COL22A1: variants seen among roughly 807,000 people sequenced by gnomAD.
COL22A1 encodes collagen type XXII alpha 1 chain.
In COL22A1, 221 loss-of-function variants were observed where a neutral mutation model predicts 248.9. That is an observed-to-expected ratio of 0.89 (90% CI 0.80 to 0.99). The LOEUF is 0.99. Among genes scored for constraint, COL22A1 ranks in the 50% least tolerant of loss-of-function variants. The pLI, the probability that COL22A1 is intolerant of heterozygous loss-of-function variation, is 0.00. For synonymous variants in COL22A1, 891 were observed against 793.4 expected (o/e 1.12, Z -2.07); for missense variants, 2,240 against 2,179.0 (o/e 1.03, Z -0.56).
intron 44 of COL22A1, among the ~76,000 whole-genome samples, chr8:138,658,524 C>T (rs1564154597): frequency 6.6e-6 from 1 of 152,296 alleles, no homozygotes; most frequent in African/African-American, 2.4e-5. Flanking sequence ...GGTTGCAACA[C>T]TTTGTGAGTA....
intron 45 of COL22A1, among the ~76,000 whole-genome samples, chr8:138,653,097 A>G (rs1822909412): frequency 6.6e-6 from 1 of 152,136 alleles, no homozygotes; most frequent in Non-Finnish European, 1.5e-5. Flanking sequence ...TGCATGTAAT[A>G]CTGTACTTTG....
At chr8:138,742,516 G>GGTA (rs1296520471) in intron 22 of COL22A1, among the ~76,000 whole-genome samples, 1 of 150,000 alleles carries the variant, frequency 6.7e-6, no homozygotes, top group Non-Finnish European at 1.5e-5. Context: ...TGATGATGAT[G>GGTA]GTAGTAGTGA....
chr8:138,631,949 T>C (rs982856424), intron 49 of COL22A1, among the ~76,000 whole-genome samples: 6 of 152,154 alleles, frequency 3.9e-5, no homozygotes, highest in African/African-American at 1.4e-4. Flanking sequence ...AAACAGTACC[T>C]GGGATATAGT....
chr8:138,687,755 G>C (rs776227396), intron 37 of COL22A1, among the ~76,000 whole-genome samples: 1 of 152,222 alleles, frequency 6.6e-6, no homozygotes, highest in African/African-American at 2.4e-5. Context: ...CAGGTTCAAA[G>C]AGAGTGTGCT....
At chr8:138,628,025 CA>C (rs914249348) in intron 50 of COL22A1, among the ~76,000 whole-genome samples, 3 of 152,106 alleles carry the variant, frequency 2.0e-5, no homozygotes, top group African/African-American at 7.2e-5. Flanking sequence ...AAAATCCTAA[CA>C]ATCTAGAACT....
chr8:138,704,670 G>A (rs1389071226), intron 30 of COL22A1, among the ~76,000 whole-genome samples: 1 of 152,086 alleles, frequency 6.6e-6, no homozygotes, highest in Non-Finnish European at 1.5e-5. Flanking sequence ...CAAAGATGGG[G>A]AGAAACCAGA....
intron 3 of COL22A1, among the ~76,000 whole-genome samples, chr8:138,850,864 G>T (rs1303645976): frequency 1.8e-4 from 27 of 152,186 alleles, no homozygotes; most frequent in African/African-American, 6.5e-4. Flanking sequence ...ATGGACAGTG[G>T]ATGGGAAGTT....
chr8:138,681,169 C>G (rs893564905), intron 39 of COL22A1, among the ~76,000 whole-genome samples: 1 of 152,110 alleles, frequency 6.6e-6, no homozygotes, highest in Non-Finnish European at 1.5e-5. Context: ...AGGTCTAAAG[C>G]AGACCCCACA....
intron 30 of COL22A1, among the ~76,000 whole-genome samples, chr8:138,709,599 G>A (rs1215863066): frequency 2.8e-5 from 4 of 140,482 alleles, no homozygotes; most frequent in Non-Finnish European, 6.1e-5. Flanking sequence ...AGAACACTTG[G>A]ACACAGAGTG....
intron 3 of COL22A1, among the ~76,000 whole-genome samples, chr8:138,865,547 G>T (rs1822802028): frequency 6.6e-6 from 1 of 150,858 alleles, no homozygotes; most frequent in Admixed American, 6.6e-5. Context: ...ATGTTTGTAT[G>T]CCTGTGAGTG....
At chr8:138,862,460 C>A (rs567543412) in intron 3 of COL22A1, among the ~76,000 whole-genome samples, 1 of 152,220 alleles carries the variant, frequency 6.6e-6, no homozygotes, top group East Asian at 1.9e-4. Flanking sequence ...GTTTCCTCCA[C>A]CCGGAGTGCC....
At position 138,761,521 on chromosome 8, in the gene COL22A1, T is replaced by C. The variant is rs569343589; in HGVS notation, c.1857+892A>G. Among the ~76,000 whole-genome samples, 102 of 152,070 alleles carry C rather than the reference T, an allele frequency of 6.7e-4. 1 individual carries two copies. Among genetic ancestry groups the C allele is most frequent in the African/African-American group, 2.2e-3 (93 of 41,528 alleles). ...GAGATGGAATGAACTATAAGTTTAA[T>C]TTATATTAATATAGTATATTAGAAT... On this transcript the variant is annotated intron_variant, in intron 17 of 64. Coordinates refer to ENST00000303045, the MANE Select transcript of COL22A1 (RefSeq NM_152888.3).
intron 48 of COL22A1, among the ~76,000 whole-genome samples, chr8:138,635,650 T>C (rs1222094268): frequency 6.6e-6 from 1 of 152,160 alleles, no homozygotes; most frequent in Non-Finnish European, 1.5e-5. Flanking sequence ...TAACACTTAG[T>C]CTTGTACAAC....
At chr8:138,871,552 C>T (rs1178778498) in intron 3 of COL22A1, among the ~76,000 whole-genome samples, 2 of 152,240 alleles carry the variant, frequency 1.3e-5, no homozygotes, top group Non-Finnish European at 2.9e-5. Flanking sequence ...CCTAGCCCAT[C>T]ACTTGATGGA....
intron 3 of COL22A1, among the ~76,000 whole-genome samples, chr8:138,873,564 C>T (rs547018207): frequency 6.6e-6 from 1 of 152,328 alleles, no homozygotes; most frequent in South Asian, 2.1e-4. Flanking sequence ...TGAAGACATA[C>T]ACTAGGCAGG....
At chr8:138,786,976 G>A (rs1563762971) in intron 12 of COL22A1, among the ~76,000 whole-genome samples, 1 of 152,184 alleles carries the variant, frequency 6.6e-6, no homozygotes, top group Admixed American at 6.5e-5. Flanking sequence ...CTTCCACCAG[G>A]AAAGTCATTT....
At chr8:138,712,014 G>T (rs1829012197) in intron 30 of COL22A1, among the ~76,000 whole-genome samples, 1 of 152,158 alleles carries the variant, frequency 6.6e-6, no homozygotes, top group South Asian at 2.1e-4. Context: ...TGGGGATGTT[G>T]TTGACAGCAG....
At chr8:138,615,456 T>C (rs755200253) in intron 55 of COL22A1, among the ~76,000 whole-genome samples, 4 of 150,032 alleles carry the variant, frequency 2.7e-5, no homozygotes, top group Non-Finnish European at 4.4e-5. Context: ...GTTTGAACCC[T>C]GAAGGCAGAG....
chr8:138,677,396 T>C (rs991232923), intron 40 of COL22A1, among the ~76,000 whole-genome samples: 1 of 152,154 alleles, frequency 6.6e-6, no homozygotes, highest in African/African-American at 2.4e-5. Context: ...TGTTTGCTTC[T>C]GTTCTCGTTG....
Sources: allele counts gnomAD v4.1 joint callset (sites outside exome capture counted in the v4.1 genomes callset), GRCh38; gene constraint gnomAD v4.1.1; transcripts MANE v1.5; gene names NCBI Gene and HGNC (gene_info 2026-07-23, HGNC 2026-07-21).